Variants in LRRC74A observed in about 807,000 individuals in gnomAD.
The protein encoded by LRRC74A is leucine-rich repeat-containing protein 74A.
A neutral mutation model predicts 57.9 loss-of-function variants in LRRC74A; 44 were observed. The observed-to-expected ratio is 0.76, with a 90% confidence interval of 0.60 to 0.98. LRRC74A has a LOEUF of 0.98. LRRC74A is among the 50% of genes least tolerant of loss of function. The pLI is 0.00. For synonymous variants in LRRC74A, 211 were observed against 219.4 expected, an observed-to-expected ratio of 0.96 and a Z score of 0.34; for missense variants, 572 against 574.0, an observed-to-expected ratio of 1.00 and a Z score of 0.04.
At position 76,857,433 on chromosome 14, in the gene LRRC74A, C is replaced by A. The variant is rs1376483070; in HGVS notation, c.1011C>A (p.Ile337=). The A allele has an allele frequency of 6.3e-7, 1 of 1,588,060 alleles. No homozygotes were observed. The highest frequency in any genetic ancestry group is 1.8e-5 in the Admixed American group (1 of 56,226). The change falls in exon 10 of 14, where the codon ATC becomes ATA. Residue 337 remains isoleucine, a synonymous_variant. Coordinates refer to ENST00000689127, the MANE Select transcript of LRRC74A (RefSeq NM_001385106.1). The stretch of plus-strand genomic sequence containing the variant: ...GGGCTATTTTACTTATCCTGGCTAT[C>A]AAGAGGAACCCCAAATCCAGGATGG... The part of the protein sequence containing the change: ...MDGAILLILA[I]KRNPKSRMEE...
chr14:76,831,765 T>C (rs1254766829), intron 3 of LRRC74A, among the ~76,000 whole-genome samples: 1 of 152,094 alleles, frequency 6.6e-6, no homozygotes, highest in Non-Finnish European at 1.5e-5. Flanking sequence ...TGTAAATGGG[T>C]TTACTACTGA....
At chr14:76,828,622 C>A in intron 2 of LRRC74A, 1 of 728,664 alleles carries the variant, frequency 1.4e-6, no homozygotes. Context: ...GCTTCCCACG[C>A]TTGTCACCTG....
intron 13 of LRRC74A, among the ~76,000 whole-genome samples, chr14:76,867,928 G>A (rs1168042488): frequency 3.3e-5 from 5 of 152,208 alleles, no homozygotes; most frequent in Admixed American, 1.3e-4. Context: ...TACAGGTCCC[G>A]CTACTCTGCC....
intron 11 of LRRC74A, among the ~76,000 whole-genome samples, chr14:76,863,185 AGT>A (rs112669509): frequency 2.5e-4 from 37 of 145,314 alleles, no homozygotes; most frequent in African/African-American, 6.7e-4. Context: ...CATGCATGTG[AGT>A]GTGTGTGTGT....
chr14:76,861,236 T>A (rs1898282091), intron 11 of LRRC74A, among the ~76,000 whole-genome samples: 1 of 152,222 alleles, frequency 6.6e-6, no homozygotes, highest in Non-Finnish European at 1.5e-5. Context: ...TCAAATTATG[T>A]CAAATGCATG....
chr14:76,870,001 C>G (rs926836860), intron 13 of LRRC74A, 124 bp from the exon 14 acceptor site: 67 of 965,112 alleles, frequency 6.9e-5, no homozygotes, highest in Non-Finnish European at 9.7e-5. Context: ...AACAGCATGA[C>G]CTCTAAGGCC....
Position 76,853,347 on chromosome 14 carries a change from C to A in LRRC74A, c.894C>A (p.Gly298=), listed in dbSNP as rs1312863725. 6.2e-7 allele frequency: 1 copy of A among 1,612,926 alleles called. No individual in the cohort carries two copies. The highest frequency in any genetic ancestry group is 1.3e-5 in the African/African-American group (1 of 74,670). ...VYLDIGGNDI[G]NEGASKISKG... is the part of the protein sequence containing the mutation. ...TGGATATCGGTGGCAATGACATCGG[C>A]AATGAAGGGGCCTCCAAAATCAGCA... is the stretch of plus-strand genomic sequence containing the variant. The change falls in exon 9 of 14, where the codon GGC becomes GGA. Residue 298 remains glycine, a synonymous_variant. Coordinates refer to ENST00000689127, the MANE Select transcript of LRRC74A (RefSeq NM_001385106.1).
In LRRC74A at chr14:76,865,631, G is replaced by A. The variant is rs200266814; in HGVS notation, c.1201-337G>A. ...AGATAATGATCACTGTCCCATCCTC[G>A]TGGCACTGCGGTGCCTGAACAGCCT... On this transcript the variant is annotated intron_variant, in intron 11 of 13. Transcript: ENST00000689127. 2.7e-4 allele frequency among the ~76,000 whole-genome samples: 41 copies of A among 152,294 alleles called. No individual in the cohort carries two copies. In the East Asian group the frequency reaches 5.8e-3, roughly 21 times the overall value.
At chr14:76,865,468 G>A (rs1272588109) in intron 11 of LRRC74A, among the ~76,000 whole-genome samples, 1 of 152,170 alleles carries the variant, frequency 6.6e-6, no homozygotes, top group East Asian at 1.9e-4. Context: ...GAGCATTGAG[G>A]TGAAACTGTG....
rs767947363 is a variant in LRRC74A at position 76,860,749 on chromosome 14, C to A, written c.1110C>A (p.His370Gln). 1.2e-6 allele frequency: 2 copies of A among 1,611,708 alleles called. No homozygotes were observed. The highest frequency in any genetic ancestry group is 2.2e-5 in the East Asian group (1 of 44,842). Residue 370 changes from histidine to glutamine, a missense_variant, in exon 11 of 14, where the codon CAC (histidine) becomes CAA (glutamine). Coordinates refer to ENST00000689127, the MANE Select transcript of LRRC74A (RefSeq NM_001385106.1). Reference protein sequence around the residue: ...MKTLDGVYAVHPQLDVVFKAV... With the variant: ...MKTLDGVYAVQPQLDVVFKAV... The stretch of plus-strand genomic sequence containing the variant: ...CGTTGGACGGAGTGTATGCCGTTCA[C>A]CCGCAGCTGGACGTGGTATTCAAGG...
chr14:76,861,351 T>G (rs1397943476), intron 11 of LRRC74A, among the ~76,000 whole-genome samples: 1 of 152,260 alleles, frequency 6.6e-6, no homozygotes, highest in Non-Finnish European at 1.5e-5. Context: ...GCGGTCAGGA[T>G]GGCTATTTGG....
intron 12 of LRRC74A, among the ~76,000 whole-genome samples, chr14:76,867,130 T>TGGGGGGG (rs1898937119): frequency 3.9e-4 from 1 of 2,544 alleles, no homozygotes; most frequent in African/African-American, 1.3e-3. Flanking sequence ...GGTGTGTGTG[T>TGGGGGGG]GGTAGTGTGG....
At chr14:76,835,239 T>C (rs1010202465) in intron 3 of LRRC74A, among the ~76,000 whole-genome samples, 6 of 152,104 alleles carry the variant, frequency 3.9e-5, no homozygotes, top group African/African-American at 1.4e-4. Context: ...TCTCAGCACT[T>C]TGGGAGGCCA....
At chr14:76,843,213 A>T (rs1896889297) in intron 5 of LRRC74A, among the ~76,000 whole-genome samples, 1 of 147,712 alleles carries the variant, frequency 6.8e-6, no homozygotes, top group Admixed American at 6.9e-5. Context: ...AACCCAGGAG[A>T]TGGAGGTTGC....
chr14:76,868,212 C>T (rs998098826), intron 13 of LRRC74A, among the ~76,000 whole-genome samples: 4 of 152,204 alleles, frequency 2.6e-5, no homozygotes, highest in Admixed American at 1.3e-4. Context: ...CCTATAATCC[C>T]AGCACTTTGG....
chr14:76,859,183 G>C (rs559286957), intron 10 of LRRC74A, among the ~76,000 whole-genome samples: 2 of 152,184 alleles, frequency 1.3e-5, no homozygotes, highest in African/African-American at 4.8e-5. Context: ...CCCTCTCCCA[G>C]GCAGTACACG....
In LRRC74A at chr14:76,844,436, G is replaced by A. The variant is rs1896983980; in HGVS notation, c.558G>A (p.Lys186=). 1.2e-6 allele frequency: 2 copies of A among 1,612,602 alleles called. No homozygotes were observed. Among genetic ancestry groups the A allele is most frequent in the Non-Finnish European group, 1.7e-6 (2 of 1,179,472 alleles). ...CCCTCACTACAGGAAATGACTTCAAGGAAGACTCCGCAGCACTGCTCTGCC... is the reference window on the plus strand; with the variant it reads ...CCCTCACTACAGGAAATGACTTCAAAGAAGACTCCGCAGCACTGCTCTGCC... ...WSLELSGNDF[K]EDSAALLCQA... The change falls in exon 6 of 14, where the codon AAG becomes AAA. Residue 186 remains lysine, a synonymous_variant. Coordinates refer to ENST00000689127, the MANE Select transcript of LRRC74A (RefSeq NM_001385106.1).
At chr14:76,863,098 G>T (rs144972317) in intron 11 of LRRC74A, among the ~76,000 whole-genome samples, 69 of 152,226 alleles carry the variant, frequency 4.5e-4, no homozygotes, top group South Asian at 4.1e-4. Context: ...TGGAATTGAA[G>T]GGCAGATGTA....
At chr14:76,866,158 G>C in intron 12 of LRRC74A, 83 bp downstream of exon 12, 1 of 1,073,482 alleles carries the variant, frequency 9.3e-7, no homozygotes, top group Non-Finnish European at 1.4e-6. Context: ...AGGAGGAGAA[G>C]GAGCAAAAGA....
Sources: allele counts gnomAD v4.1 joint callset (sites outside exome capture counted in the v4.1 genomes callset), GRCh38; gene constraint gnomAD v4.1.1; transcripts MANE v1.5; gene names NCBI Gene and HGNC (gene_info 2026-07-23, HGNC 2026-07-21).